The following NFIA variants were observed in gnomAD, a reference collection of about 807,000 sequenced individuals.
NFIA encodes nuclear factor 1 A-type.
A neutral mutation model predicts 62.8 loss-of-function variants in NFIA; 8 were observed. That is an observed-to-expected ratio of 0.13 (90% CI 0.07 to 0.23). NFIA has a LOEUF of 0.23. Among genes scored for constraint, NFIA ranks in the 10% least tolerant of loss-of-function variants. NFIA has a pLI of 1.00. For missense variants in NFIA, 410 were observed against 642.1 expected (o/e 0.64, Z 3.91); for synonymous variants, 235 against 238.1 (o/e 0.99, Z 0.12).
intron 2 of NFIA, among the ~76,000 whole-genome samples, chr1:61,258,423 T>A (rs939705976): frequency 5.9e-5 from 9 of 152,206 alleles, no homozygotes; most frequent in African/African-American, 2.2e-4. Context: ...TCATATTGTA[T>A]TTGCAGTCAT....
At chr1:61,379,924 G>A (rs1023234316) in intron 6 of NFIA, among the ~76,000 whole-genome samples, 2 of 152,050 alleles carry the variant, frequency 1.3e-5, no homozygotes, top group African/African-American at 4.8e-5. Flanking sequence ...TATTTTCAAG[G>A]TTTTCTTGTT....
intron 3 of NFIA, among the ~76,000 whole-genome samples, chr1:61,298,896 G>T (rs947106737): frequency 3.3e-5 from 5 of 152,170 alleles, no homozygotes; most frequent in Admixed American, 6.5e-5. Context: ...GTTTCAAAGT[G>T]ACTGCGTTAA....
At chr1:61,128,979 G>A (rs1212175310) in intron 2 of NFIA, among the ~76,000 whole-genome samples, 3 of 130,574 alleles carry the variant, frequency 2.3e-5, no homozygotes, top group African/African-American at 8.7e-5. Flanking sequence ...CTGGAGTGCA[G>A]TGACACGATC....
intron 2 of NFIA, among the ~76,000 whole-genome samples, chr1:61,232,812 A>G (rs116128474): frequency 0.045 from 6,876 of 151,978 alleles, 228 homozygotes; most frequent in Non-Finnish European, 0.064. Context: ...TTTGAAACCC[A>G]TCTCAAGCTC....
chr1:61,424,349 C>A (rs1666770206), intron 9 of NFIA, among the ~76,000 whole-genome samples: 1 of 151,938 alleles, frequency 6.6e-6, no homozygotes, highest in Non-Finnish European at 1.5e-5. Flanking sequence ...ACACCCCCCC[C>A]TCAACCCCCA....
chr1:61,142,967 G>A (rs1010323475), intron 2 of NFIA, among the ~76,000 whole-genome samples: 1 of 152,148 alleles, frequency 6.6e-6, no homozygotes. Flanking sequence ...GCCCAAGAGC[G>A]AGTAGGATTG....
intron 2 of NFIA, among the ~76,000 whole-genome samples, chr1:61,241,605 G>A (rs2100645787): frequency 6.6e-6 from 1 of 152,082 alleles, no homozygotes. Context: ...GGTTCAAAAT[G>A]GTGACCAACT....
At chr1:61,156,744 A>G (rs1648844150) in intron 2 of NFIA, among the ~76,000 whole-genome samples, 1 of 152,234 alleles carries the variant, frequency 6.6e-6, no homozygotes, top group South Asian at 2.1e-4. Context: ...TTGTTCTAAA[A>G]CAAACTTCCT....
At chr1:61,415,488 AAGAC>A (rs1176184082) in intron 9 of NFIA, among the ~76,000 whole-genome samples, 1 of 152,188 alleles carries the variant, frequency 6.6e-6, no homozygotes, top group Non-Finnish European at 1.5e-5. Flanking sequence ...TAGTAAGAGA[AAGAC>A]CAACAATCCA....
At chr1:61,223,519 A>G (rs1220485689) in intron 2 of NFIA, among the ~76,000 whole-genome samples, 1 of 152,074 alleles carries the variant, frequency 6.6e-6, no homozygotes, top group African/African-American at 2.4e-5. Context: ...AAATGAGACT[A>G]CTTGGAAACT....
At chr1:61,262,465 CCAA>C (rs374363801) in intron 2 of NFIA, among the ~76,000 whole-genome samples, 36 of 152,226 alleles carry the variant, frequency 2.4e-4, no homozygotes, top group African/African-American at 8.4e-4. Context: ...CTTAACAGTA[CCAA>C]CGAGGCAGCA....
At chr1:61,095,426 T>C (rs1646393780) in intron 2 of NFIA, among the ~76,000 whole-genome samples, 1 of 152,254 alleles carries the variant, frequency 6.6e-6, no homozygotes. Context: ...CCAGGTCTTC[T>C]GATTTCAAAT....
rs1007370183 is a variant in NFIA, at chr1:61,202,876, C to T, written c.560-74644C>T. Among the ~76,000 whole-genome samples the T allele has an allele frequency of 2.0e-5, 3 of 152,314 alleles. No individual in the cohort carries two copies. In the South Asian group the frequency reaches 6.2e-4, roughly 32 times the overall value. ...CACCATATGCTAACTATATACAGCA[C>T]TTCAAGTTTATTTATTGTTAAAGCC... On this transcript the variant is annotated intron_variant, in intron 2 of 10. Transcript: ENST00000403491.
intron 3 of NFIA, among the ~76,000 whole-genome samples, chr1:61,306,266 G>GTTGTTTTT (rs1557695597): frequency 2.2e-5 from 1 of 45,378 alleles, no homozygotes; most frequent in South Asian, 8.0e-4. Context: ...CCCAGATTTT[G>GTTGTTTTT]TTCTTTTTTT....
At chr1:61,094,622 G>A (rs777394348) in intron 2 of NFIA, among the ~76,000 whole-genome samples, 6 of 152,294 alleles carry the variant, frequency 3.9e-5, no homozygotes, top group Admixed American at 6.5e-5. Context: ...TAAGGTGGCA[G>A]TTCAGAGTAT....
chr1:61,105,518 C>A (rs939160955), intron 2 of NFIA, among the ~76,000 whole-genome samples: 1 of 151,756 alleles, frequency 6.6e-6, no homozygotes, highest in Admixed American at 6.6e-5. Flanking sequence ...AATTCATGGC[C>A]TTTCTTGTGG....
At chr1:61,240,821 A>G (rs1655305314) in intron 2 of NFIA, among the ~76,000 whole-genome samples, 1 of 152,160 alleles carries the variant, frequency 6.6e-6, no homozygotes, top group African/African-American at 2.4e-5. Context: ...AAATATTTTC[A>G]AGGACAGAAC....
chr1:61,366,125 C>T (rs879841023), intron 6 of NFIA, among the ~76,000 whole-genome samples: 9 of 152,130 alleles, frequency 5.9e-5, no homozygotes, highest in Non-Finnish European at 1.2e-4. Context: ...TGAAAGGCAG[C>T]TCTGTGGCTG....
intron 2 of NFIA, among the ~76,000 whole-genome samples, chr1:61,234,411 C>G (rs1654864779): frequency 6.6e-6 from 1 of 151,546 alleles, no homozygotes. Flanking sequence ...GACCACAGAC[C>G]CAGCTTTGTG....
Sources: allele counts gnomAD v4.1 joint callset (sites outside exome capture counted in the v4.1 genomes callset), GRCh38; gene constraint gnomAD v4.1.1; transcripts MANE v1.5; gene names NCBI Gene and HGNC (gene_info 2026-07-23, HGNC 2026-07-21).